Variants in IFT140 observed in about 807,000 individuals in gnomAD.
IFT140 encodes intraflagellar transport protein 140 homolog.
Under a neutral mutation model 164.6 loss-of-function variants are expected in IFT140, and 133 were observed. The ratio of observed to expected loss-of-function variants is 0.81; its 90% CI spans 0.70 to 0.93. IFT140 has a LOEUF of 0.93. Ranked by LOEUF, IFT140 falls within the 40% of genes least tolerant of loss-of-function variation. The probability of loss-of-function intolerance (pLI) is 0.00; values close to 1 mark genes in which losing one functional copy is unlikely to be tolerated. For missense variants in IFT140, 2,045 were observed against 1,972.3 expected (o/e 1.04, Z -0.70); for synonymous variants, 860 against 817.3 (o/e 1.05, Z -0.89).
chr16:1,520,380 G>A (rs2040484563), intron 27 of IFT140, 37 bp from the exon 28 acceptor site: 8 of 1,601,350 alleles, frequency 5.0e-6, no homozygotes, highest in Non-Finnish European at 6.0e-6. Flanking sequence ...GCAAGCAGGG[G>A]CTGGGCCGGG....
intron 15 of IFT140, among the ~76,000 whole-genome samples, chr16:1,567,126 G>A (rs2033760275): frequency 1.3e-5 from 2 of 152,098 alleles, no homozygotes; most frequent in South Asian, 4.2e-4. Flanking sequence ...ACCTTCTGCA[G>A]CCCTGTCCTG....
chr16:1,609,193 G>C lies in IFT140; in HGVS notation c.-32+1471C>G, dbSNP rs540741813. Among the ~76,000 whole-genome samples, 177 of 152,204 alleles carry C rather than the reference G, an allele frequency of 1.2e-3. 3 individuals carry two copies. The highest frequency in any genetic ancestry group is 3.9e-4 in the Admixed American group (6 of 15,292). On this transcript the variant is annotated intron_variant, in intron 2 of 30. Transcript: ENST00000426508. ...TTTAACATGTTGCAGCCAGCCCCAA[G>C]GTTACAAATCCTGGGCTAAGGGAAA...
Position 1,510,817 on chromosome 16 carries a change from G to T in IFT140, c.*127C>A. The T allele has an allele frequency of 1.1e-6, 1 of 903,224 alleles. No homozygotes were observed. The highest frequency in any genetic ancestry group is 1.7e-6 in the Non-Finnish European group (1 of 575,466). The allele number at this position is 903,224 out of a possible 1,614,324, so 56.0% of individuals were successfully genotyped here. The stretch of plus-strand genomic sequence containing the variant: ...GCCCGGGCCGCTGCGTTCTCGCCCA[G>T]CTCTGTCGCGTATTCCAACACAGAC... On this transcript the variant is annotated 3_prime_UTR_variant, in exon 31 of 31. Transcript: ENST00000426508.
chr16:1,565,707 G>A (rs1050303295), intron 16 of IFT140, among the ~76,000 whole-genome samples: 9 of 152,246 alleles, frequency 5.9e-5, no homozygotes, highest in Admixed American at 2.6e-4. Context: ...TGAACTGTGA[G>A]TGAACTATCA....
chr16:1,568,298 C>A lies in IFT140; in HGVS notation c.1689G>T (p.Ala563=). The A allele has an allele frequency of 6.2e-7, 1 of 1,613,786 alleles. No homozygotes were observed. Among genetic ancestry groups the A allele is most frequent in the Non-Finnish European group, 8.5e-7 (1 of 1,180,006 alleles). Residue 563 remains alanine (A), a synonymous_variant, in exon 15 of 31, where the codon GCG becomes GCT. Coordinates refer to ENST00000426508, the MANE Select transcript of IFT140 (RefSeq NM_014714.4). ...AKAHCSCRSL[A]ELVPGVGGIA... is the part of the protein sequence containing the mutation. The stretch of plus-strand genomic sequence containing the variant: ...TGCCCCCCACCCCAGGGACCAGCTC[C>A]GCCAGGCTCCTGCAGCTACAGTGTG...
chr16:1,597,064 G>A (rs1046960872), intron 4 of IFT140, among the ~76,000 whole-genome samples: 18 of 152,140 alleles, frequency 1.2e-4, no homozygotes, highest in African/African-American at 4.1e-4. Flanking sequence ...GGTGCATCAC[G>A]GCATCAGAGT....
Position 1,553,022 on chromosome 16 carries a change from T to C in IFT140, c.2399+4913A>G. 1.0e-6 allele frequency: 1 copy of C among 985,388 alleles called. No homozygotes were observed. The highest frequency in any genetic ancestry group is 1.2e-6 in the Non-Finnish European group (1 of 829,916). 61.0% of individuals were successfully genotyped at this position (985,388 alleles called of 1,614,324 possible). A position where few individuals can be genotyped will look rare whatever the true frequency, so the allele number is the denominator to read the frequency against. The stretch of plus-strand genomic sequence containing the variant: ...ATGTATAAGAAGCTCCATGAAGTAT[T>C]ATAAAGAATGAACACAGAAACCAGT... On this transcript the variant is annotated intron_variant, in intron 19 of 30. Transcript: ENST00000426508. The surrounding 1 kb of genome is among the most constrained non-coding windows in gnomAD (Gnocchi z 4.4).
intron 4 of IFT140, among the ~76,000 whole-genome samples, chr16:1,599,896 C>T (rs1301637303): frequency 9.0e-6 from 1 of 110,904 alleles, no homozygotes; most frequent in South Asian, 3.2e-4. Context: ...TGCCCGGCCG[C>T]CCCTACTGGG....
intron 19 of IFT140, among the ~76,000 whole-genome samples, chr16:1,552,648 CTTT>C (rs11409894): frequency 1.6e-5 from 2 of 127,572 alleles, no homozygotes. Flanking sequence ...AAAGAGAATG[CTTT>C]TTTTTTTTTT....
chr16:1,526,739 C>A lies in IFT140; in HGVS notation c.2457G>T (p.Val819=). ...CCATGTTCCCCAGGCACACCTTGGC[C>A]ACGTCCAGCCGCTGGGTCTTCACGC... is the stretch of plus-strand genomic sequence containing the variant. ...RMCVKTQRLD[V]AKVCLGNMGH... The change falls in exon 20 of 31, where the codon GTG becomes GTT. Residue 819 remains valine, a synonymous_variant. Coordinates refer to ENST00000426508, the MANE Select transcript of IFT140 (RefSeq NM_014714.4). The A allele has an allele frequency of 6.2e-7, 1 of 1,609,864 alleles. No individual in the cohort carries two copies.
intron 19 of IFT140, among the ~76,000 whole-genome samples, chr16:1,550,269 C>T (rs1462599181): frequency 6.6e-6 from 1 of 152,138 alleles, no homozygotes; most frequent in Non-Finnish European, 1.5e-5. Context: ...AAACAGTGTT[C>T]TTGGAAGCAG....
chr16:1,539,266 A>G (rs562316099), intron 19 of IFT140, among the ~76,000 whole-genome samples: 17 of 140,764 alleles, frequency 1.2e-4, no homozygotes, highest in Admixed American at 1.2e-3. Context: ...AAGCCACCCC[A>G]CACCTTGGGC....
At chr16:1,518,508 G>A (rs2040429913) in intron 29 of IFT140, 151 bp from the exon 30 acceptor site, 1 of 737,544 alleles carries the variant, frequency 1.4e-6, no homozygotes, top group Non-Finnish European at 2.1e-6. Flanking sequence ...TCCTTAATTT[G>A]TTCATTCATA....
intron 19 of IFT140, chr16:1,534,511 G>C: frequency 6.2e-7 from 1 of 1,607,934 alleles, no homozygotes; most frequent in East Asian, 2.2e-5. Context: ...CTGGGCTGGG[G>C]CTCCGAGGCA....
intron 3 of IFT140, among the ~76,000 whole-genome samples, chr16:1,606,885 C>T: frequency 6.6e-6 from 1 of 151,502 alleles, no homozygotes; most frequent in Non-Finnish European, 1.5e-5. Context: ...TACAAGCATA[C>T]AGATGCACAC....
chr16:1,589,690 C>G lies in IFT140; in HGVS notation c.725G>C (p.Arg242Thr). 6.2e-7 allele frequency: 1 copy of G among 1,614,168 alleles called. No homozygotes were observed. The highest frequency in any genetic ancestry group is 8.5e-7 in the Non-Finnish European group (1 of 1,180,036). The stretch of plus-strand genomic sequence containing the variant: ...CTCTGTGACCACCACCAGTGCCTCC[C>G]TCTTCTCCATGTAGAACAGCATCTG... Reference protein sequence around the residue: ...TIQMLFYMEKREALVVVTENL... With the variant: ...TIQMLFYMEKTEALVVVTENL... Residue 242 changes from arginine to threonine, a missense_variant, in exon 7 of 31, where the codon AGG becomes ACG. Coordinates refer to ENST00000426508, the MANE Select transcript of IFT140 (RefSeq NM_014714.4).
At chr16:1,554,995 T>C (rs753725789) in intron 19 of IFT140, 11 of 1,613,294 alleles carry the variant, frequency 6.8e-6, no homozygotes, top group East Asian at 2.2e-5. Flanking sequence ...CGCCGTGGGC[T>C]GGACAATGAC....
At chr16:1,585,766 CTTTTT>C (rs916504738) in intron 10 of IFT140, among the ~76,000 whole-genome samples, 1 of 119,334 alleles carries the variant, frequency 8.4e-6, no homozygotes, top group East Asian at 2.4e-4. Flanking sequence ...CCTCCACTTT[CTTTTT>C]TTTTTTTTTT....
At chr16:1,572,939 G>A (rs1239989157) in intron 13 of IFT140, among the ~76,000 whole-genome samples, 1 of 152,198 alleles carries the variant, frequency 6.6e-6, no homozygotes, top group African/African-American at 2.4e-5. Context: ...ACAGGCAGCA[G>A]GGAAGGCACA....
Sources: gnomAD v4.1 joint callset for allele counts (sites outside exome capture counted in the v4.1 genomes callset) on GRCh38, gnomAD v4.1.1 for gene constraint, Gnocchi (gnomAD v3.1) non-coding constraint, MANE v1.5 for transcripts, NCBI Gene and HGNC (gene_info 2026-07-23, HGNC 2026-07-21) for gene names.